Variants in KNTC1 observed in about 807,000 individuals in gnomAD.
The protein encoded by KNTC1 is kinetochore-associated protein 1.
KNTC1 carries 253 observed loss-of-function variants against 314.4 expected under a neutral mutation model. That is an observed-to-expected ratio of 0.80 (90% CI 0.73 to 0.89). KNTC1 has a LOEUF of 0.89. KNTC1 is among the 40% of genes least tolerant of loss of function. The probability of loss-of-function intolerance (pLI) is 0.00; values close to 1 mark genes in which losing one functional copy is unlikely to be tolerated. For missense variants in KNTC1, 2,475 were observed against 2,572.9 expected (o/e 0.96, Z 0.82); for synonymous variants, 901 against 901.4 (o/e 1.00, Z 0.01).
intron 18 of KNTC1, among the ~76,000 whole-genome samples, chr12:122,559,742 A>G (rs1963855531): frequency 6.6e-6 from 1 of 151,934 alleles, no homozygotes; most frequent in African/African-American, 2.4e-5. Flanking sequence ...CACCTGGCTA[A>G]TTTTTGTATT....
Position 122,568,326 on chromosome 12 carries a change from A to G in KNTC1, c.1670A>G (p.Lys557Arg). The stretch of plus-strand genomic sequence containing the variant: ...CTTAAAGATATTTTTTTACAGCTAA[A>G]AGAAGGAAACCTTGTTTGTGCACAG... ...DDLKDIFLQL[K>R]EGNLVCAQYL... The change falls in exon 21 of 64, where the codon AAA becomes AGA. Residue 557 changes from lysine (K) to arginine (R), a missense_variant. Coordinates refer to ENST00000333479, the MANE Select transcript of KNTC1 (RefSeq NM_014708.6). 3 of 1,603,262 alleles carry G rather than the reference A, an allele frequency of 1.9e-6. No homozygotes were observed. Among genetic ancestry groups the G allele is most frequent in the Non-Finnish European group, 2.6e-6 (3 of 1,171,346 alleles).
intron 8 of KNTC1, 110 bp downstream of exon 8, chr12:122,544,379 G>A: frequency 3.4e-6 from 2 of 590,534 alleles, no homozygotes; most frequent in East Asian, 3.3e-5. Flanking sequence ...ACCGAAACAA[G>A]GAAATTATAA....
chr12:122,539,746 C>T lies in KNTC1; in HGVS notation c.437C>T (p.Ser146Leu). 1 of 1,513,462 alleles carries T rather than the reference C, an allele frequency of 6.6e-7. No homozygotes were observed. Among genetic ancestry groups the T allele is most frequent in the Non-Finnish European group, 8.9e-7 (1 of 1,120,544 alleles). The allele number at this position is 1,513,462 out of a possible 1,614,324, so 93.8% of individuals were successfully genotyped here. The part of the protein sequence containing the change: ...YQNLVIEKDG[S>L]NEGTYYMLLL... ...AATCTTGTCATTGAGAAGGATGGTT[C>T]AAATGAAGGTAAGTTTTCCTGAATT... is the stretch of plus-strand genomic sequence containing the variant. Residue 146 changes from serine to leucine, a missense_variant, in exon 5 of 64, where the codon TCA becomes TTA. Physicochemically the swap from Ser to Leu is moderately radical, Grantham distance 145. Coordinates refer to ENST00000333479, the MANE Select transcript of KNTC1 (RefSeq NM_014708.6).
chr12:122,605,174 ATTAC>A, intron 50 of KNTC1, 87 bp downstream of exon 50: 3 of 1,214,840 alleles, frequency 2.5e-6, no homozygotes, highest in Non-Finnish European at 2.3e-6. Flanking sequence ...GTACATATAT[ATTAC>A]TTACATATGC....
chr12:122,570,647 A>G (rs1263959135), intron 22 of KNTC1, among the ~76,000 whole-genome samples: 1 of 152,088 alleles, frequency 6.6e-6, no homozygotes, highest in Non-Finnish European at 1.5e-5. Context: ...TGGATACCCC[A>G]CTCTCCATGT....
intron 33 of KNTC1, among the ~76,000 whole-genome samples, chr12:122,581,799 T>C (rs1868433165): frequency 6.6e-6 from 1 of 152,194 alleles, no homozygotes; most frequent in South Asian, 2.1e-4. Flanking sequence ...GTGGATGCAT[T>C]ATTAATTTTG....
intron 44 of KNTC1, among the ~76,000 whole-genome samples, chr12:122,600,529 A>G (rs1871719291): frequency 6.6e-6 from 1 of 152,184 alleles, no homozygotes; most frequent in East Asian, 1.9e-4. Context: ...TACTCATGTC[A>G]TTTCTAAGAA....
At chr12:122,575,293 G>C (rs1964938725) in intron 27 of KNTC1, among the ~76,000 whole-genome samples, 1 of 152,126 alleles carries the variant, frequency 6.6e-6, no homozygotes, top group African/African-American at 2.4e-5. Context: ...GGATTGTAGA[G>C]ACCGTAGAAA....
At position 122,580,623 on chromosome 12, in the gene KNTC1, G is replaced by A. The variant is rs201575472; in HGVS notation, c.2935G>A (p.Glu979Lys). Residue 979 changes from glutamate (E) to lysine (K), a missense_variant, in exon 33 of 64, where the codon GAA becomes AAA. By Grantham distance (56) the Glu-to-Lys change is moderately conservative. Transcript: ENST00000333479. ...TACAGACAATCTGCAGAAGAAGGAC[G>A]AATGTGAAGAAATGTTGAAACTATT... is the stretch of plus-strand genomic sequence containing the variant. Reference protein sequence around the residue: ...IQKDNLQKKDECEEMLKLFKE... With the variant: ...IQKDNLQKKDKCEEMLKLFKE... The A allele has an allele frequency of 7.0e-6, 11 of 1,569,460 alleles. No homozygotes were observed. The highest frequency in any genetic ancestry group is 4.1e-5 in the African/African-American group (3 of 73,944).
At chr12:122,545,240 T>C (rs1962667310) in intron 8 of KNTC1, among the ~76,000 whole-genome samples, 1 of 152,150 alleles carries the variant, frequency 6.6e-6, no homozygotes, top group African/African-American at 2.4e-5. Context: ...CAAATTTATA[T>C]ATTAAGAAGT....
At chr12:122,611,149 C>T (rs1435979062) in intron 53 of KNTC1, 1 of 472,906 alleles carries the variant, frequency 2.1e-6, no homozygotes, top group Admixed American at 3.7e-5. Flanking sequence ...TGGCTGTCTG[C>T]ATTCACAGTG....
chr12:122,563,522 C>T (rs1964116300), intron 20 of KNTC1, among the ~76,000 whole-genome samples: 1 of 152,128 alleles, frequency 6.6e-6, no homozygotes, highest in Admixed American at 6.6e-5. Context: ...ACCCACAGCT[C>T]CCAGGTCATT....
chr12:122,604,207 C>G (rs1444923961), intron 48 of KNTC1, among the ~76,000 whole-genome samples: 1 of 129,400 alleles, frequency 7.7e-6, no homozygotes, highest in African/African-American at 3.0e-5. Context: ...GAGTCTTGCT[C>G]TGTCGCCCAG....
intron 62 of KNTC1, 124 bp downstream of exon 62, chr12:122,622,731 C>G: frequency 1.4e-6 from 1 of 734,336 alleles, no homozygotes. Context: ...GGTGGATCAC[C>G]TGAGGTTGAG....
At chr12:122,568,914 A>T (rs1477579940) in intron 21 of KNTC1, among the ~76,000 whole-genome samples, 2 of 152,312 alleles carry the variant, frequency 1.3e-5, no homozygotes, top group Non-Finnish European at 2.9e-5. Context: ...AGTACAGTGA[A>T]TGTACAGTAG....
chr12:122,577,749 G>T lies in KNTC1; in HGVS notation c.2799G>T (p.Trp933Cys), dbSNP rs982830899. ...AAACTGCAGAAAGAGTCATCATATG[G>T]GCACGACTGGCATTACAAGAAGAGC... is the stretch of plus-strand genomic sequence containing the variant. ...AEKTAERVII[W>C]ARLALQEEPD... is the part of the protein sequence containing the mutation. Residue 933 changes from tryptophan (W) to cysteine (C), a missense_variant, in exon 31 of 64, where the codon TGG (tryptophan) becomes TGT (cysteine). Trp to Cys is a radical substitution (Grantham distance 215). Coordinates refer to ENST00000333479, the MANE Select transcript of KNTC1 (RefSeq NM_014708.6). 6.2e-7 allele frequency: 1 copy of T among 1,613,522 alleles called. No homozygotes were observed. The highest frequency in any genetic ancestry group is 8.5e-7 in the Non-Finnish European group (1 of 1,179,664).
intron 1 of KNTC1, 64 bp from the exon 2 acceptor site, chr12:122,529,927 C>CCTTTGT: frequency 1.1e-6 from 1 of 885,016 alleles, no homozygotes; most frequent in East Asian, 2.8e-5. Flanking sequence ...TAATGTTAGA[C>CCTTTGT]TTTTGTTTTT....
chr12:122,534,602 A>T (rs771837079), intron 2 of KNTC1, 62 bp from the exon 3 acceptor site: 1 of 1,462,556 alleles, frequency 6.8e-7, no homozygotes, highest in Non-Finnish European at 9.3e-7. Flanking sequence ...GATACTATTG[A>T]TAAGTATTAT....
At chr12:122,615,584 G>T in intron 57 of KNTC1, 58 bp downstream of exon 57, 2 of 1,420,674 alleles carry the variant, frequency 1.4e-6, no homozygotes, top group South Asian at 1.3e-5. Flanking sequence ...TTCTGGCCTT[G>T]TGACTGCTGG....
Sources: gnomAD v4.1 joint callset for allele counts (sites outside exome capture counted in the v4.1 genomes callset) on GRCh38, gnomAD v4.1.1 for gene constraint, MANE v1.5 for transcripts, NCBI Gene and HGNC (gene_info 2026-07-23, HGNC 2026-07-21) for gene names.